SGCD: variants seen among roughly 807,000 people sequenced by gnomAD.
SGCD encodes delta-sarcoglycan.
A neutral mutation model predicts 36.6 loss-of-function variants in SGCD; 18 were observed. The observed-to-expected ratio is 0.49, with a 90% confidence interval of 0.34 to 0.73. The LOEUF is 0.73. Among genes scored for constraint, SGCD ranks in the 30% least tolerant of loss-of-function variants. The probability of loss-of-function intolerance (pLI) is 0.01; values close to 1 mark genes in which losing one functional copy is unlikely to be tolerated. For missense variants in SGCD, 387 were observed against 346.7 expected (o/e 1.12, Z -0.92); for synonymous variants, 133 against 130.6 (o/e 1.02, Z -0.12).
At chr5:156,542,187 G>C (rs1456913329) in intron 4 of SGCD, among the ~76,000 whole-genome samples, 9 of 152,156 alleles carry the variant, frequency 5.9e-5, no homozygotes, top group Non-Finnish European at 8.8e-5. Context: ...GGTTTAGAAA[G>C]AGTAAGACAA....
intron 1 of SGCD, among the ~76,000 whole-genome samples, chr5:156,038,594 A>G (rs1034774406): frequency 2.0e-5 from 3 of 151,890 alleles, no homozygotes; most frequent in Non-Finnish European, 4.4e-5. Context: ...AAAAAGTAAA[A>G]AAAAAAATGG....
chr5:156,543,411 C>G (rs1267209885), intron 4 of SGCD, among the ~76,000 whole-genome samples: 2 of 152,172 alleles, frequency 1.3e-5, no homozygotes, highest in Non-Finnish European at 2.9e-5. Flanking sequence ...AGGTCCCTTT[C>G]CTGGTAGTAA....
At chr5:156,701,786 C>A (rs1039644384) in intron 7 of SGCD, among the ~76,000 whole-genome samples, 1 of 152,108 alleles carries the variant, frequency 6.6e-6, no homozygotes, top group Non-Finnish European at 1.5e-5. Context: ...GATTTGAGAA[C>A]TTGAAGATTC....
the SGCD span, among the ~76,000 whole-genome samples, chr5:155,837,046 A>G: frequency 2.4e-3 from 363 of 152,374 alleles, 1 homozygote; most frequent in Non-Finnish European, 2.5e-3. Flanking sequence ...TGCTCTTTGC[A>G]TAAATGGGAT....
chr5:156,358,199 C>T (rs964924407), intron 3 of SGCD, among the ~76,000 whole-genome samples: 9 of 152,176 alleles, frequency 5.9e-5, no homozygotes, highest in Admixed American at 6.5e-5. Context: ...TTGGGTCACT[C>T]AGTCACTCCC....
intron 7 of SGCD, among the ~76,000 whole-genome samples, chr5:156,667,304 G>C (rs1753089920): frequency 6.6e-6 from 1 of 152,170 alleles, no homozygotes; most frequent in Non-Finnish European, 1.5e-5. Flanking sequence ...GAGCTTCTTA[G>C]CTGTAGGTAC....
At chr5:156,153,541 C>T (rs1014565035) in intron 3 of SGCD, among the ~76,000 whole-genome samples, 8 of 151,636 alleles carry the variant, frequency 5.3e-5, no homozygotes, top group South Asian at 2.1e-4. Flanking sequence ...GGGAACTTTA[C>T]ATTGAATAGA....
intron 6 of SGCD, among the ~76,000 whole-genome samples, chr5:156,598,251 A>G (rs1761017545): frequency 6.6e-6 from 1 of 152,208 alleles, no homozygotes; most frequent in African/African-American, 2.4e-5. Context: ...CTCATGTTTA[A>G]GAGCACTTTG....
chr5:156,622,459 T>TA, intron 6 of SGCD, among the ~76,000 whole-genome samples: 1 of 147,008 alleles, frequency 6.8e-6, no homozygotes, highest in Non-Finnish European at 1.5e-5. Context: ...ATAATAATAA[T>TA]AATAATAATA....
At chr5:156,723,119 A>G (rs1755592969) in intron 7 of SGCD, among the ~76,000 whole-genome samples, 1 of 152,226 alleles carries the variant, frequency 6.6e-6, no homozygotes, top group African/African-American at 2.4e-5. Context: ...AACGGAAAGG[A>G]CAGAACTGGA....
intron 7 of SGCD, among the ~76,000 whole-genome samples, chr5:156,652,140 G>C (rs1357621870): frequency 6.6e-6 from 1 of 151,982 alleles, no homozygotes; most frequent in Non-Finnish European, 1.5e-5. Flanking sequence ...AGTCATTTCA[G>C]TCCTAGGAGC....
chr5:155,970,875 A>C (rs965783039), intron 1 of SGCD, among the ~76,000 whole-genome samples: 46 of 152,172 alleles, frequency 3.0e-4, no homozygotes, highest in African/African-American at 1.1e-3. Context: ...TGATTTCACC[A>C]AACAGGATTT....
chr5:156,483,533 C>T (rs945131288), intron 3 of SGCD, among the ~76,000 whole-genome samples: 4 of 152,114 alleles, frequency 2.6e-5, no homozygotes, highest in African/African-American at 4.8e-5. Context: ...ATTTGTGCAT[C>T]GATAACCAAA....
chr5:155,980,314 G>A (rs143496228), intron 1 of SGCD, among the ~76,000 whole-genome samples: 6 of 152,046 alleles, frequency 3.9e-5, no homozygotes, highest in Admixed American at 2.0e-4. Context: ...GGCCAGGAGC[G>A]GTGGTTCACG....
At chr5:155,758,692 C>T in the SGCD span, among the ~76,000 whole-genome samples, 2 of 152,204 alleles carry the variant, frequency 1.3e-5, no homozygotes, top group Admixed American at 1.3e-4. Flanking sequence ...TTATGAGAAT[C>T]TAGTGCCTGA....
intron 3 of SGCD, among the ~76,000 whole-genome samples, chr5:156,258,417 C>T (rs1187881428): frequency 6.6e-6 from 1 of 152,110 alleles, no homozygotes; most frequent in Non-Finnish European, 1.5e-5. Flanking sequence ...GACCAATGAA[C>T]TTTAATGTAA....
chr5:156,482,768 C>G (rs1755486864), intron 3 of SGCD, among the ~76,000 whole-genome samples: 2 of 147,074 alleles, frequency 1.4e-5, no homozygotes, highest in Non-Finnish European at 3.0e-5. Flanking sequence ...TCTATCCTCC[C>G]TACAAGATAA....
At chr5:156,222,380 A>G (rs937372847) in intron 3 of SGCD, among the ~76,000 whole-genome samples, 6 of 152,306 alleles carry the variant, frequency 3.9e-5, no homozygotes, top group African/African-American at 1.4e-4. Context: ...TATAGATTCT[A>G]CTTTACATTA....
intron 3 of SGCD, among the ~76,000 whole-genome samples, chr5:156,383,794 T>C (rs1470556840): frequency 6.6e-6 from 1 of 152,186 alleles, no homozygotes; most frequent in African/African-American, 2.4e-5. Flanking sequence ...TTCATTCCTC[T>C]AGTATTGGAA....
Sources: gnomAD v4.1 joint callset for allele counts (sites outside exome capture counted in the v4.1 genomes callset) on GRCh38, gnomAD v4.1.1 for gene constraint, MANE v1.5 for transcripts, NCBI Gene and HGNC (gene_info 2026-07-23, HGNC 2026-07-21) for gene names.